Variants in KCNK2 observed in about 807,000 individuals in gnomAD.
The protein encoded by KCNK2 is potassium channel subfamily K member 2.
KCNK2 carries 21 observed loss-of-function variants against 40.5 expected under a neutral mutation model. The observed-to-expected ratio is 0.52, with a 90% CI of 0.37 to 0.75. The LOEUF (loss-of-function observed/expected upper bound fraction) is 0.75. Among genes scored for constraint, KCNK2 ranks in the 30% least tolerant of loss-of-function variants. KCNK2 has a pLI of 0.00. For missense variants in KCNK2, 399 were observed against 531.6 expected, an observed-to-expected ratio of 0.75 and a Z score of 2.45; for synonymous variants, 191 against 202.2, an observed-to-expected ratio of 0.94 and a Z score of 0.47.
chr1:215,067,875 A>T (rs917933641), intron 1 of KCNK2, among the ~76,000 whole-genome samples: 2 of 152,114 alleles, frequency 1.3e-5, no homozygotes, highest in South Asian at 2.1e-4. Context: ...TCAAAAAAAA[A>T]TTACTTTCAT....
rs1663592966 is a variant in KCNK2 at position 215,169,353 on chromosome 1, G to T, written c.630G>T (p.Thr210=). 1.2e-6 allele frequency: 2 copies of T among 1,607,590 alleles called. No individual in the cohort carries two copies. Among genetic ancestry groups the T allele is most frequent in the Non-Finnish European group, 1.7e-6 (2 of 1,175,952 alleles). The part of the protein sequence containing the change: ...FGKGIAKVED[T]FIKWNVSQTK... The stretch of plus-strand genomic sequence containing the variant: ...AAGGAATTGCCAAAGTGGAAGATAC[G>T]TTTATTGTGAGTATGATAGATATTT... The change falls in exon 4 of 7, where the codon ACG becomes ACT. Residue 210 remains threonine, a synonymous_variant. Transcript: ENST00000444842.
At chr1:215,030,247 G>A (rs1261674580) in intron 1 of KCNK2, among the ~76,000 whole-genome samples, 1 of 151,990 alleles carries the variant, frequency 6.6e-6, no homozygotes, top group Non-Finnish European at 1.5e-5. Flanking sequence ...TTTTTAATTG[G>A]GTTGTTTGTT....
At chr1:215,040,778 G>C (rs2601631) in intron 1 of KCNK2, among the ~76,000 whole-genome samples, 129,561 of 152,130 alleles carry the variant, frequency 0.85, 55,464 homozygotes, top group East Asian at 0.99. Context: ...TCAATGCCCA[G>C]CAGCATTAAA....
intron 5 of KCNK2, among the ~76,000 whole-genome samples, chr1:215,173,183 T>C (rs573715414): frequency 6.6e-6 from 1 of 152,248 alleles, no homozygotes; most frequent in Non-Finnish European, 1.5e-5. Context: ...GGTTTTCTCA[T>C]TGTTCAATTC....
chr1:215,213,249 C>G (rs1166502233), intron 6 of KCNK2, among the ~76,000 whole-genome samples: 1 of 152,036 alleles, frequency 6.6e-6, no homozygotes, highest in Admixed American at 6.6e-5. Context: ...TGAAAGGAGG[C>G]CTAATAAAAA....
intron 6 of KCNK2, among the ~76,000 whole-genome samples, chr1:215,214,528 C>G (rs1363089523): frequency 6.6e-5 from 10 of 152,108 alleles, no homozygotes; most frequent in Non-Finnish European, 1.5e-4. Context: ...GGTATGTTGT[C>G]TCACAAAGCA....
At chr1:215,233,270 T>G (rs1332503641) in intron 6 of KCNK2, among the ~76,000 whole-genome samples, 3 of 152,066 alleles carry the variant, frequency 2.0e-5, no homozygotes, top group African/African-American at 7.2e-5. Flanking sequence ...GACCTAGATA[T>G]CAAGCAATTA....
At chr1:215,028,847 TAGAC>T (rs1319839608) in intron 1 of KCNK2, among the ~76,000 whole-genome samples, 1 of 152,152 alleles carries the variant, frequency 6.6e-6, no homozygotes, top group African/African-American at 2.4e-5. Context: ...CTATACACCA[TAGAC>T]AGATCTTGCT....
At chr1:215,049,811 C>A (rs963214219) in intron 1 of KCNK2, among the ~76,000 whole-genome samples, 1 of 152,036 alleles carries the variant, frequency 6.6e-6, no homozygotes, top group Admixed American at 6.6e-5. Context: ...TTAGTTGGGG[C>A]TATTTGTGTG....
intron 6 of KCNK2, among the ~76,000 whole-genome samples, chr1:215,214,706 C>A (rs888751482): frequency 6.6e-6 from 1 of 151,932 alleles, no homozygotes; most frequent in Non-Finnish European, 1.5e-5. Flanking sequence ...CATGCCTGTA[C>A]CCCCAACTAC....
chr1:215,217,070 CAT>C lies in KCNK2; in HGVS notation c.964-17757_964-17756del, dbSNP rs1665993375. Among the ~76,000 whole-genome samples, 3 of 152,258 alleles carry C rather than the reference CAT, an allele frequency of 2.0e-5. No individual in the cohort carries two copies. The South Asian group carries it at 6.2e-4, about 32-fold the overall frequency. Reference sequence around the variant, plus strand: ...ACAATGACATAAATGTATCAATACACATTACTTATTTTTTTCCAAATCTAAAG... The same window carrying C: ...ACAATGACATAAATGTATCAATACACTACTTATTTTTTTCCAAATCTAAAG... On this transcript the variant is annotated intron_variant, in intron 6 of 6. Coordinates refer to ENST00000444842, the MANE Select transcript of KCNK2 (RefSeq NM_001017425.3).
intron 3 of KCNK2, among the ~76,000 whole-genome samples, chr1:215,133,073 TAAC>T (rs1254656220): frequency 6.6e-6 from 1 of 152,148 alleles, no homozygotes; most frequent in Non-Finnish European, 1.5e-5. Flanking sequence ...GGAGAAAACA[TAAC>T]AATATATTAT....
chr1:215,010,403 A>G (rs1346664162), intron 1 of KCNK2, among the ~76,000 whole-genome samples: 1 of 152,174 alleles, frequency 6.6e-6, no homozygotes, highest in Non-Finnish European at 1.5e-5. Flanking sequence ...TTAAAGAGGA[A>G]ATCGTAGAAT....
intron 6 of KCNK2, among the ~76,000 whole-genome samples, chr1:215,209,272 A>G (rs1372527614): frequency 8.7e-6 from 1 of 115,336 alleles, no homozygotes; most frequent in Non-Finnish European, 1.6e-5. Context: ...TAAAATATAT[A>G]AATATACACA....
chr1:215,017,676 G>A lies in KCNK2; in HGVS notation c.34+11721G>A, dbSNP rs555944419. ...AGAGATTTATTGTACAACATGTATA[G>A]ACTATAGCTAATAATGTATACTTGA... On this transcript the variant is annotated intron_variant, in intron 1 of 6. Transcript: ENST00000391895. 9.2e-5 allele frequency among the ~76,000 whole-genome samples: 14 copies of A among 152,206 alleles called. 1 individual carries two copies. In the South Asian group the frequency reaches 2.9e-3, roughly 32 times the overall value.
Position 215,045,179 on chromosome 1 carries a change from G to A in KCNK2, c.34+39224G>A, listed in dbSNP as rs143946424. On this transcript the variant is annotated intron_variant, in intron 1 of 6. Coordinates refer to the KCNK2 transcript ENST00000391895. ...AGCCTGGGCGACAGAGCGAGACTCC[G>A]TCTCAAAAAACAAACAAACAAACAA... Among the ~76,000 whole-genome samples, 711 of 145,860 alleles carry A rather than the reference G, an allele frequency of 4.9e-3. 9 individuals are homozygous for A. Among genetic ancestry groups the A allele is most frequent in the African/African-American group, 0.017 (682 of 39,502 alleles).
At chr1:215,007,843 C>T (rs1183276271) in intron 1 of KCNK2, among the ~76,000 whole-genome samples, 1 of 152,050 alleles carries the variant, frequency 6.6e-6, no homozygotes. Context: ...TATATAACAT[C>T]ATATAAAACA....
At chr1:215,126,403 A>G (rs1473626484) in intron 3 of KCNK2, among the ~76,000 whole-genome samples, 1 of 152,164 alleles carries the variant, frequency 6.6e-6, no homozygotes, top group Non-Finnish European at 1.5e-5. Flanking sequence ...TAACCATAAT[A>G]ACAGGTTAAG....
chr1:215,054,899 T>C (rs1658106013), intron 1 of KCNK2, among the ~76,000 whole-genome samples: 1 of 152,208 alleles, frequency 6.6e-6, no homozygotes, highest in African/African-American at 2.4e-5. Flanking sequence ...TACCAAATAC[T>C]ATGAATGTTC....
Sources: allele counts gnomAD v4.1 joint callset (sites outside exome capture counted in the v4.1 genomes callset), GRCh38; gene constraint gnomAD v4.1.1; transcripts MANE v1.5; gene names NCBI Gene and HGNC (gene_info 2026-07-23, HGNC 2026-07-21).